Variants in CNBD1 observed in about 807,000 individuals in gnomAD.
CNBD1 encodes cyclic nucleotide binding domain containing 1.
In CNBD1, 71 loss-of-function variants were observed where a neutral mutation model predicts 54.4. The ratio of observed to expected loss-of-function variants is 1.30; its 90% confidence interval spans 1.08 to 1.59. The LOEUF is 1.59. Among genes scored for constraint, CNBD1 ranks in the 40% most tolerant of loss-of-function variants. The pLI is 0.00. For missense variants in CNBD1, 659 were observed against 518.0 expected (o/e 1.27, Z -2.64); for synonymous variants, 182 against 170.7 (o/e 1.07, Z -0.51).
chr8:87,387,833 C>G (rs1032028952), downstream of CNBD1, among the ~76,000 whole-genome samples: 6 of 152,124 alleles, frequency 3.9e-5, no homozygotes, highest in Admixed American at 3.3e-4. Context: ...ACACCTATTC[C>G]AAAATTGACC....
chr8:87,150,873 TA>T (rs1208541207), intron 4 of CNBD1, among the ~76,000 whole-genome samples: 1 of 152,178 alleles, frequency 6.6e-6, no homozygotes, highest in Admixed American at 6.5e-5. Context: ...TTCTGGGTTG[TA>T]AAATAACAAA....
At chr8:87,127,988 A>C (rs1194080053) in intron 4 of CNBD1, among the ~76,000 whole-genome samples, 2 of 152,140 alleles carry the variant, frequency 1.3e-5, no homozygotes, top group African/African-American at 4.8e-5. Context: ...CAAACAGAAG[A>C]GCAGAAGAAT....
chr8:87,115,039 A>T (rs1359363339), intron 4 of CNBD1, among the ~76,000 whole-genome samples: 1 of 152,236 alleles, frequency 6.6e-6, no homozygotes, highest in African/African-American at 2.4e-5. Flanking sequence ...AAGCTGCATA[A>T]TGAGGTTACT....
intron 3 of CNBD1, among the ~76,000 whole-genome samples, chr8:86,907,555 C>A (rs1809035981): frequency 6.6e-6 from 1 of 151,854 alleles, no homozygotes; most frequent in African/African-American, 2.4e-5. Flanking sequence ...GTAATCCCAG[C>A]TACTTGGGAG....
intron 1 of CNBD1, among the ~76,000 whole-genome samples, chr8:86,876,891 T>C (rs1808528608): frequency 6.6e-6 from 1 of 152,064 alleles, no homozygotes; most frequent in African/African-American, 2.4e-5. Context: ...TTGGGGTTTA[T>C]TTTGCCTCCA....
At chr8:87,151,931 T>C (rs1812612609) in intron 4 of CNBD1, among the ~76,000 whole-genome samples, 1 of 152,112 alleles carries the variant, frequency 6.6e-6, no homozygotes, top group African/African-American at 2.4e-5. Context: ...AAAGTTTAGC[T>C]TCTTATATAA....
intron 1 of CNBD1, among the ~76,000 whole-genome samples, chr8:86,886,131 C>A (rs1808677291): frequency 6.6e-6 from 1 of 152,008 alleles, no homozygotes; most frequent in South Asian, 2.1e-4. Context: ...TTCATCAGAG[C>A]TATTACTGAC....
intron 5 of CNBD1, among the ~76,000 whole-genome samples, chr8:87,223,398 G>T (rs1174449539): frequency 6.8e-5 from 5 of 73,380 alleles, no homozygotes; most frequent in Admixed American, 3.0e-4. Context: ...CCCCTCCCCC[G>T]ACCCCACAAC....
downstream of CNBD1, among the ~76,000 whole-genome samples, chr8:87,387,000 C>G (rs1037618307): frequency 1.3e-5 from 2 of 152,118 alleles, no homozygotes; most frequent in African/African-American, 4.8e-5. Flanking sequence ...TATATCCAGC[C>G]AAACTAAGCT....
intron 8 of CNBD1, among the ~76,000 whole-genome samples, chr8:87,327,411 T>C (rs13248418): frequency 0.34 from 52,153 of 151,398 alleles, 9,598 homozygotes; most frequent in Middle Eastern, 0.45. Context: ...CCCTCGCTGC[T>C]GCCTTGCAGT....
chr8:87,304,559 C>G (rs1388511137), intron 8 of CNBD1, among the ~76,000 whole-genome samples: 1 of 152,034 alleles, frequency 6.6e-6, no homozygotes, highest in African/African-American at 2.4e-5. Flanking sequence ...ATGGGTGCAG[C>G]ACACCAACAT....
intron 2 of CNBD1, among the ~76,000 whole-genome samples, chr8:87,397,826 C>T (rs796129816): frequency 1.3e-5 from 2 of 152,026 alleles, no homozygotes; most frequent in Admixed American, 6.6e-5. Flanking sequence ...ATCATGGGGG[C>T]AGGTCTTTCC....
chr8:87,138,436 A>T (rs1289399397), intron 4 of CNBD1, among the ~76,000 whole-genome samples: 1 of 152,182 alleles, frequency 6.6e-6, no homozygotes, highest in Non-Finnish European at 1.5e-5. Flanking sequence ...CCGAAAAGAA[A>T]CAAGGCAAAT....
chr8:87,000,117 G>T (rs542092141), intron 4 of CNBD1, among the ~76,000 whole-genome samples: 1 of 152,166 alleles, frequency 6.6e-6, no homozygotes, highest in South Asian at 2.1e-4. Flanking sequence ...TCCAAATCTT[G>T]TCTTGAATTG....
chr8:87,382,587 G>A, intron 10 of CNBD1, 33 bp from the exon 11 acceptor site: 1 of 1,520,956 alleles, frequency 6.6e-7, no homozygotes, highest in Non-Finnish European at 8.9e-7. Flanking sequence ...TATTTATTAT[G>A]TAACTTCTTG....
intron 8 of CNBD1, among the ~76,000 whole-genome samples, chr8:87,309,513 G>T (rs140831071): frequency 6.6e-6 from 1 of 151,900 alleles, no homozygotes; most frequent in Non-Finnish European, 1.5e-5. Context: ...ATATGATTTC[G>T]GGAAATATAA....
chr8:87,067,571 G>A (rs1303106220), intron 4 of CNBD1, among the ~76,000 whole-genome samples: 1 of 151,810 alleles, frequency 6.6e-6, no homozygotes, highest in Non-Finnish European at 1.5e-5. Flanking sequence ...AAGGTTTCAG[G>A]GCAAAAGCAA....
At chr8:87,151,671 CT>C (rs1340514781) in intron 4 of CNBD1, among the ~76,000 whole-genome samples, 2 of 152,032 alleles carry the variant, frequency 1.3e-5, no homozygotes, top group Non-Finnish European at 2.9e-5. Flanking sequence ...ACCCTTTTGA[CT>C]TCTATTTCTA....
chr8:87,063,771 A>G (rs1386382108), intron 4 of CNBD1, among the ~76,000 whole-genome samples: 1 of 152,026 alleles, frequency 6.6e-6, no homozygotes, highest in Non-Finnish European at 1.5e-5. Flanking sequence ...AAACTTCAAA[A>G]ACTTCTCTCA....
Sources: gnomAD v4.1 joint callset for allele counts (sites outside exome capture counted in the v4.1 genomes callset) on GRCh38, gnomAD v4.1.1 for gene constraint, MANE v1.5 for transcripts, NCBI Gene and HGNC (gene_info 2026-07-23, HGNC 2026-07-21) for gene names.